Variants in C10orf90 observed in about 807,000 individuals in gnomAD.
C10orf90 encodes (E2-independent) E3 ubiquitin-conjugating enzyme FATS.
A neutral mutation model predicts 62.5 loss-of-function variants in C10orf90; 56 were observed. That is an observed-to-expected ratio of 0.90 (90% CI 0.72 to 1.12). The LOEUF (loss-of-function observed/expected upper bound fraction) is 1.12. C10orf90 is among the 50% of genes most tolerant of loss of function. The pLI is 0.00. For missense variants in C10orf90, 970 were observed against 880.4 expected, an observed-to-expected ratio of 1.10 and a Z score of -1.29; for synonymous variants, 386 against 340.4, an observed-to-expected ratio of 1.13 and a Z score of -1.47.
chr10:126,619,268 G>A (rs73370809), intron 2 of C10orf90, among the ~76,000 whole-genome samples: 7,376 of 152,160 alleles, frequency 0.048, 527 homozygotes, highest in African/African-American at 0.16. Flanking sequence ...TCTTATGCAC[G>A]CCCTCCAGGA....
At chr10:126,505,180 G>T in intron 3 of C10orf90, 95 bp from the exon 4 acceptor site, 1 of 1,298,996 alleles carries the variant, frequency 7.7e-7, no homozygotes, top group African/African-American at 1.5e-5. Flanking sequence ...CAGAGCACTG[G>T]GTTCATAACA....
At chr10:126,648,532 T>G (rs1330074541) in intron 1 of C10orf90, among the ~76,000 whole-genome samples, 3 of 152,278 alleles carry the variant, frequency 2.0e-5, no homozygotes, top group African/African-American at 4.8e-5. Flanking sequence ...GCCATTATAC[T>G]TCTATATATC....
At chr10:126,448,259 C>T (rs1002252540) in intron 7 of C10orf90, among the ~76,000 whole-genome samples, 1 of 151,744 alleles carries the variant, frequency 6.6e-6, no homozygotes, top group African/African-American at 2.4e-5. Context: ...GAAAATTACA[C>T]AACATGCTCC....
rs569147154 is a variant in C10orf90, at chr10:126,524,608, G to A, written c.314-10669C>T. 6.9e-5 allele frequency: 68 copies of A among 985,064 alleles called. No homozygotes were observed. The Middle Eastern group carries it at 2.6e-3, about 38-fold the overall frequency. The allele number at this position is 985,064 out of a possible 1,614,324, so 61.0% of individuals were successfully genotyped here. A position where few individuals can be genotyped will look rare whatever the true frequency, so the allele number is the denominator to read the frequency against. On this transcript the variant is annotated intron_variant, in intron 2 of 9. Coordinates refer to ENST00000488181, the MANE Select transcript of C10orf90 (RefSeq NM_001350921.2). ...ATTTTGGGAGCCTTAGTAGGACACA[G>A]CATGATATGCTGGGAGGGGTCCAGA...
At chr10:126,537,902 G>A (rs1266659746) in intron 2 of C10orf90, among the ~76,000 whole-genome samples, 1 of 152,176 alleles carries the variant, frequency 6.6e-6, no homozygotes. Context: ...GTTAAAATGA[G>A]GTCGTTAGAG....
chr10:126,558,612 C>T (rs1335929661), intron 2 of C10orf90, among the ~76,000 whole-genome samples: 1 of 152,244 alleles, frequency 6.6e-6, no homozygotes, highest in African/African-American at 2.4e-5. Context: ...CCTCAGGAGG[C>T]CTTTCTTGAG....
At chr10:126,493,201 A>T (rs1289577619) in intron 4 of C10orf90, among the ~76,000 whole-genome samples, 3 of 151,736 alleles carry the variant, frequency 2.0e-5, no homozygotes, top group Non-Finnish European at 4.4e-5. Flanking sequence ...ACAAAGAAAA[A>T]GAAAAGCTTG....
At chr10:126,547,415 A>C (rs1864524659) in intron 2 of C10orf90, among the ~76,000 whole-genome samples, 1 of 65,656 alleles carries the variant, frequency 1.5e-5, no homozygotes, top group South Asian at 5.4e-4. Context: ...CAAGACTGTC[A>C]AAAAAAAAAA....
At chr10:126,566,684 G>A (rs530765273) in intron 2 of C10orf90, among the ~76,000 whole-genome samples, 110 of 152,298 alleles carry the variant, frequency 7.2e-4, no homozygotes, top group African/African-American at 2.5e-3. Flanking sequence ...CAGTGAGACT[G>A]GAGCTGGTGC....
intron 2 of C10orf90, among the ~76,000 whole-genome samples, chr10:126,521,123 T>C (rs1863720011): frequency 6.6e-6 from 1 of 152,194 alleles, no homozygotes; most frequent in African/African-American, 2.4e-5. Flanking sequence ...TGTGTAATGA[T>C]CTGTTCCTGA....
chr10:126,564,313 CAGA>C (rs1844251731), intron 2 of C10orf90, among the ~76,000 whole-genome samples: 1 of 152,000 alleles, frequency 6.6e-6, no homozygotes, highest in Admixed American at 6.5e-5. Flanking sequence ...GTGGTGAGCA[CAGA>C]AGAGGGTCTA....
intron 2 of C10orf90, among the ~76,000 whole-genome samples, chr10:126,564,348 G>T (rs896794812): frequency 4.4e-4 from 67 of 151,914 alleles, no homozygotes; most frequent in Admixed American, 4.4e-3. Context: ...TCTAACCTGG[G>T]TCCCAAAGGC....
At chr10:126,546,543 G>A (rs1373183350) in intron 2 of C10orf90, among the ~76,000 whole-genome samples, 2 of 152,134 alleles carry the variant, frequency 1.3e-5, no homozygotes, top group Non-Finnish European at 2.9e-5. Context: ...TTCAGGGGAA[G>A]CCACGTGGGA....
chr10:126,657,358 T>C (rs1846414797), intron 1 of C10orf90, among the ~76,000 whole-genome samples: 1 of 152,202 alleles, frequency 6.6e-6, no homozygotes, highest in African/African-American at 2.4e-5. Context: ...TTACATTCTG[T>C]TTCTGTGAAT....
intron 7 of C10orf90, among the ~76,000 whole-genome samples, chr10:126,452,911 G>T (rs1564801966): frequency 6.6e-6 from 1 of 152,138 alleles, no homozygotes; most frequent in Non-Finnish European, 1.5e-5. Context: ...ATTTATTAAA[G>T]GCTATATGGA....
chr10:126,495,374 A>G (rs957797211), intron 4 of C10orf90, among the ~76,000 whole-genome samples: 8 of 152,194 alleles, frequency 5.3e-5, no homozygotes, highest in Admixed American at 5.2e-4. Context: ...TCTGGTTAAG[A>G]ACATCTTTTT....
In C10orf90 at chr10:126,645,185, G is replaced by A. The variant is rs371346796; in HGVS notation, c.313+1380C>T. Reference sequence around the variant, plus strand: ...TAGATGACGAGTTAGTGGGTGCAGCGCACCAGCATGGCACATGTATACATA... The same window carrying A: ...TAGATGACGAGTTAGTGGGTGCAGCACACCAGCATGGCACATGTATACATA... On this transcript the variant is annotated intron_variant, in intron 2 of 9. Coordinates refer to ENST00000488181, the MANE Select transcript of C10orf90 (RefSeq NM_001350921.2). Among the ~76,000 whole-genome samples the A allele has an allele frequency of 1.6e-3, 243 of 148,798 alleles. 4 individuals are homozygous for A. The Middle Eastern group carries it at 0.032, about 20-fold the overall frequency.
At chr10:126,590,368 C>T (rs185997840) in intron 2 of C10orf90, among the ~76,000 whole-genome samples, 2 of 152,260 alleles carry the variant, frequency 1.3e-5, no homozygotes, top group East Asian at 3.9e-4. Context: ...ATTATCTGCC[C>T]CCAAGCAACA....
At chr10:126,664,526 G>A (rs1424681601) in intron 1 of C10orf90, among the ~76,000 whole-genome samples, 2 of 152,142 alleles carry the variant, frequency 1.3e-5, no homozygotes, top group African/African-American at 4.8e-5. Flanking sequence ...TCACTTAGCT[G>A]GTGAGAGCCC....
Sources: allele counts gnomAD v4.1 joint callset (sites outside exome capture counted in the v4.1 genomes callset), GRCh38; gene constraint gnomAD v4.1.1; transcripts MANE v1.5; gene names NCBI Gene and HGNC (gene_info 2026-07-23, HGNC 2026-07-21).